The following LASP1 variants were observed in gnomAD, a reference collection of about 807,000 sequenced individuals.
The protein encoded by LASP1 is LIM and SH3 domain protein 1.
In LASP1, 10 loss-of-function variants were observed where a neutral mutation model predicts 38.6. The ratio of observed to expected loss-of-function variants is 0.26; its 90% CI spans 0.16 to 0.44. The LOEUF (loss-of-function observed/expected upper bound fraction) is 0.44. LASP1 is among the 20% of genes least tolerant of loss of function. The pLI is 1.00. For missense variants in LASP1, 243 were observed against 375.7 expected, an observed-to-expected ratio of 0.65 and a Z score of 2.92; for synonymous variants, 132 against 140.8, an observed-to-expected ratio of 0.94 and a Z score of 0.44.
intron 4 of LASP1, among the ~76,000 whole-genome samples, chr17:38,902,057 G>A (rs142510362): frequency 2.7e-5 from 4 of 150,190 alleles, no homozygotes; most frequent in African/African-American, 9.8e-5. Context: ...GTGAGACACC[G>A]AGCCCAGCCT....
In LASP1 at chr17:38,920,273, G is replaced by T. The variant is rs1915263529; in HGVS notation, c.*1495G>T. 2 of 422,108 alleles carry T rather than the reference G, an allele frequency of 4.7e-6. No individual in the cohort carries two copies. Among genetic ancestry groups the T allele is most frequent in the Admixed American group, 6.7e-5 (2 of 29,724 alleles). The allele number at this position is 422,108 out of a possible 1,614,324, so 26.1% of individuals were successfully genotyped here. On this transcript the variant is annotated 3_prime_UTR_variant, in exon 7 of 7. Coordinates refer to ENST00000318008, the MANE Select transcript of LASP1 (RefSeq NM_006148.4). ...GTGGCAGAAGTGTCACCCTGTGGGTGTCTCCCTCGGGGGCTCTTCCCCTAG... is the reference window on the plus strand; with the variant it reads ...GTGGCAGAAGTGTCACCCTGTGGGTTTCTCCCTCGGGGGCTCTTCCCCTAG...
chr17:38,919,179 G>A lies in LASP1; in HGVS notation c.*401G>A. ...TGACTGCCAGGACCCCAGGTCAGGG[G>A]CTCCCTACATTCCCCAGAGTGGGAT... On this transcript the variant is annotated 3_prime_UTR_variant, in exon 7 of 7. Coordinates refer to ENST00000318008, the MANE Select transcript of LASP1 (RefSeq NM_006148.4). The A allele has an allele frequency of 3.5e-6, 1 of 282,268 alleles. No homozygotes were observed. The highest frequency in any genetic ancestry group is 6.9e-6 in the Non-Finnish European group (1 of 145,968). The allele number at this position is 282,268 out of a possible 1,614,324, so 17.5% of individuals were successfully genotyped here.
rs184094422 is a variant in LASP1, at chr17:38,884,135, C to T, written c.164+5955C>T. ...TTTTTGAAGAGATCCAAGCCTGGAACGGGCGAGGCTCTGTGTAGAAAGGGC... is the reference window on the plus strand; with the variant it reads ...TTTTTGAAGAGATCCAAGCCTGGAATGGGCGAGGCTCTGTGTAGAAAGGGC... On this transcript the variant is annotated intron_variant, in intron 2 of 6. Transcript: ENST00000318008. Among the ~76,000 whole-genome samples the T allele has an allele frequency of 1.1e-4, 16 of 151,942 alleles. No individual in the cohort carries two copies. In the East Asian group the frequency reaches 2.7e-3, roughly 26 times the overall value.
Position 38,920,900 on chromosome 17 carries a change from C to T in LASP1, c.*2122C>T, listed in dbSNP as rs1415553253. ...GGGGACCAAAGGTCAGGGACACATC[C>T]CCTTAGAGGACCTGAGTTTGGGAGA... On this transcript the variant is annotated 3_prime_UTR_variant, in exon 7 of 7. Coordinates refer to ENST00000318008, the MANE Select transcript of LASP1 (RefSeq NM_006148.4). The T allele has an allele frequency of 8.6e-6, 2 of 232,362 alleles. No homozygotes were observed. Among genetic ancestry groups the T allele is most frequent in the Non-Finnish European group, 1.7e-5 (2 of 117,372 alleles). 14.4% of individuals were successfully genotyped at this position (232,362 alleles called of 1,614,324 possible). A position where few individuals can be genotyped will look rare whatever the true frequency, so the allele number is the denominator to read the frequency against.
chr17:38,919,571 C>T lies in LASP1; in HGVS notation c.*793C>T, dbSNP rs553337915. 1.4e-4 allele frequency: 34 copies of T among 249,256 alleles called. No homozygotes were observed. The South Asian group carries it at 2.7e-3, about 20-fold the overall frequency. The allele number at this position is 249,256 out of a possible 1,614,324, so 15.4% of individuals were successfully genotyped here. ...CAGCCCCTTTCCCCACGCCCACCCC[C>T]AGTCTCCAGGGACCCTTGCCTGCCT... is the stretch of plus-strand genomic sequence containing the variant. On this transcript the variant is annotated 3_prime_UTR_variant, in exon 7 of 7. Transcript: ENST00000318008.
chr17:38,870,463 A>G (rs1490825971), intron 1 of LASP1, among the ~76,000 whole-genome samples: 1 of 152,086 alleles, frequency 6.6e-6, no homozygotes, highest in African/African-American at 2.4e-5. Flanking sequence ...GTCCACGCGT[A>G]GCGGGCAGCC....
Position 38,898,500 on chromosome 17 carries a change from C to T in LASP1, c.338C>T (p.Thr113Ile). 3 of 1,551,134 alleles carry T rather than the reference C, an allele frequency of 1.9e-6. No homozygotes were observed. Among genetic ancestry groups the T allele is most frequent in the Non-Finnish European group, 2.6e-6 (3 of 1,146,424 alleles). The change falls in exon 4 of 7, where the codon ACC (threonine) becomes ATC (isoleucine). Residue 113 changes from threonine (T) to isoleucine (I), a missense_variant. Thr to Ile is a moderately conservative substitution (Grantham distance 89, BLOSUM62 -1). Transcript: ENST00000318008. ...DTPELQRIKK[T>I]QDQISNIKYH... Reference sequence around the variant, plus strand: ...CCCGAGCTCCAGAGAATCAAGAAGACCCAGGACCAGATCAGTAACGTGAGC... The same window carrying T: ...CCCGAGCTCCAGAGAATCAAGAAGATCCAGGACCAGATCAGTAACGTGAGC...
At chr17:38,890,752 G>C (rs1289438671) in intron 3 of LASP1, among the ~76,000 whole-genome samples, 1 of 152,084 alleles carries the variant, frequency 6.6e-6, no homozygotes, top group Non-Finnish European at 1.5e-5. Context: ...CCGCTCTGGG[G>C]CTCCCTAAAG....
Position 38,894,151 on chromosome 17 carries a change from C to T in LASP1, c.249+3647C>T, listed in dbSNP as rs190330226. 2.6e-3 allele frequency among the ~76,000 whole-genome samples: 402 copies of T among 152,144 alleles called. 9 individuals are homozygous for T. In the South Asian group the frequency reaches 0.037, roughly 14 times the overall value. ...AGGGGGCTGGCAGCTGGACCCCCAG[C>T]CCCCCTTCTCACTTGCTGCTCCTAT... On this transcript the variant is annotated intron_variant, in intron 3 of 6. Coordinates refer to ENST00000318008, the MANE Select transcript of LASP1 (RefSeq NM_006148.4).
Position 38,899,747 on chromosome 17 carries a change from C to CTT in LASP1, c.357+1242_357+1243dup, listed in dbSNP as rs34397105. ...CTTCCTACTTAGAGGGCGTTCAGAT[C>CTT]TTTTTTTTTTTTTTTGAGACAGAGT... is the stretch of plus-strand genomic sequence containing the variant. On this transcript the variant is annotated intron_variant, in intron 4 of 6. Coordinates refer to ENST00000318008, the MANE Select transcript of LASP1 (RefSeq NM_006148.4). Among the ~76,000 whole-genome samples, 246 of 136,160 alleles carry CTT rather than the reference C, an allele frequency of 1.8e-3. 6 individuals are homozygous for CTT. Among genetic ancestry groups the CTT allele is most frequent in the Non-Finnish European group, 1.3e-3 (81 of 63,716 alleles). The allele number at this position is 136,160 out of a possible 152,430, so 89.3% of individuals were successfully genotyped here.
chr17:38,920,886 G>C lies in LASP1; in HGVS notation c.*2108G>C. The C allele has an allele frequency of 4.3e-6, 1 of 232,614 alleles. No individual in the cohort carries two copies. Among genetic ancestry groups the C allele is most frequent in the East Asian group, 6.1e-5 (1 of 16,464 alleles). 14.4% of individuals were successfully genotyped at this position (232,614 alleles called of 1,614,324 possible). ...CACAATGTGGATTTGGGGACCAAAG[G>C]TCAGGGACACATCCCCTTAGAGGAC... On this transcript the variant is annotated 3_prime_UTR_variant, in exon 7 of 7. Coordinates refer to ENST00000318008, the MANE Select transcript of LASP1 (RefSeq NM_006148.4).
chr17:38,917,434 C>T (rs1229221584), intron 6 of LASP1, among the ~76,000 whole-genome samples: 1 of 151,814 alleles, frequency 6.6e-6, no homozygotes, highest in Non-Finnish European at 1.5e-5. Context: ...AAACTCCATC[C>T]TGGTAGTAGG....
intron 1 of LASP1, among the ~76,000 whole-genome samples, chr17:38,872,211 G>A (rs573970420): frequency 2.0e-5 from 3 of 152,286 alleles, no homozygotes; most frequent in African/African-American, 7.2e-5. Flanking sequence ...GTGGGGCAGT[G>A]CACTAAAGTC....
intron 6 of LASP1, among the ~76,000 whole-genome samples, chr17:38,917,612 T>C (rs1915169648): frequency 1.3e-5 from 2 of 152,146 alleles, no homozygotes; most frequent in South Asian, 2.1e-4. Context: ...ACAGGACTCA[T>C]CATGGCTTCT....
At chr17:38,905,685 G>A (rs1336190587) in intron 4 of LASP1, among the ~76,000 whole-genome samples, 2 of 152,166 alleles carry the variant, frequency 1.3e-5, no homozygotes, top group African/African-American at 4.8e-5. Context: ...TTTTGATCGT[G>A]TAGAGTGTGA....
At chr17:38,881,088 G>A (rs1364556598) in intron 2 of LASP1, among the ~76,000 whole-genome samples, 1 of 151,706 alleles carries the variant, frequency 6.6e-6, no homozygotes, top group African/African-American at 2.4e-5. Context: ...GCGACAGAGC[G>A]AGACTCCATC....
At chr17:38,880,402 C>A (rs376294656) in intron 2 of LASP1, among the ~76,000 whole-genome samples, 1 of 152,224 alleles carries the variant, frequency 6.6e-6, no homozygotes, top group African/African-American at 2.4e-5. Flanking sequence ...ACTGGGGGAG[C>A]CAGAAGAGGC....
intron 1 of LASP1, 122 bp downstream of exon 1, chr17:38,870,380 C>T: frequency 1.8e-6 from 2 of 1,142,354 alleles, no homozygotes; most frequent in Admixed American, 2.2e-5. Flanking sequence ...GGAGGGAGGG[C>T]GAGCGGGCGG....
At chr17:38,884,494 T>A (rs551928770) in intron 2 of LASP1, among the ~76,000 whole-genome samples, 1 of 151,764 alleles carries the variant, frequency 6.6e-6, no homozygotes, top group South Asian at 2.1e-4. Context: ...TTCAAGCGGT[T>A]CTCCCGCCTC....
Sources: allele counts gnomAD v4.1 joint callset (sites outside exome capture counted in the v4.1 genomes callset), GRCh38; gene constraint gnomAD v4.1.1; transcripts MANE v1.5; gene names NCBI Gene and HGNC (gene_info 2026-07-23, HGNC 2026-07-21).